The following RAD54L2 variants were observed in gnomAD, a reference collection of about 807,000 sequenced individuals.
RAD54L2 encodes RAD54 like 2.
RAD54L2 carries 27 observed loss-of-function variants against 138.4 expected under a neutral mutation model. The observed-to-expected ratio is 0.20, with a 90% CI of 0.14 to 0.27. The LOEUF (loss-of-function observed/expected upper bound fraction) is 0.27, where lower values mean the gene tolerates loss of function less well. Among genes scored for constraint, RAD54L2 ranks in the 10% least tolerant of loss-of-function variants. RAD54L2 has a pLI of 1.00. For missense variants in RAD54L2, 1,396 were observed against 1,890.2 expected, an observed-to-expected ratio of 0.74 and a Z score of 4.85; for synonymous variants, 644 against 723.2, an observed-to-expected ratio of 0.89 and a Z score of 1.76.
At chr3:51,619,350 C>A (rs976516296) in intron 3 of RAD54L2, among the ~76,000 whole-genome samples, 2 of 152,206 alleles carry the variant, frequency 1.3e-5, no homozygotes, top group Non-Finnish European at 2.9e-5. Context: ...AGCCACCACG[C>A]CTGGTCTAGG....
At chr3:51,569,446 C>T (rs1423967059) in intron 2 of RAD54L2, among the ~76,000 whole-genome samples, 1 of 151,206 alleles carries the variant, frequency 6.6e-6, no homozygotes, top group Non-Finnish European at 1.5e-5. Context: ...TGCAGTGGCG[C>T]GATCTCAGCT....
At chr3:51,623,272 C>T (rs1400185629) in intron 3 of RAD54L2, among the ~76,000 whole-genome samples, 2 of 152,120 alleles carry the variant, frequency 1.3e-5, no homozygotes, top group Admixed American at 6.5e-5. Flanking sequence ...TTTCTGCTTC[C>T]CCCTTTGCTT....
chr3:51,651,774 A>T (rs1423847903), intron 19 of RAD54L2, among the ~76,000 whole-genome samples: 1 of 152,244 alleles, frequency 6.6e-6, no homozygotes, highest in Admixed American at 6.5e-5. Context: ...CTAGGTATTG[A>T]TGGAACGTAT....
intron 3 of RAD54L2, among the ~76,000 whole-genome samples, chr3:51,609,723 T>C (rs1700286774): frequency 1.3e-5 from 2 of 151,824 alleles, no homozygotes; most frequent in South Asian, 4.2e-4. Flanking sequence ...TGTGTGTGTG[T>C]GTGTGTGTGT....
intron 2 of RAD54L2, among the ~76,000 whole-genome samples, chr3:51,542,873 G>T (rs1698588624): frequency 6.6e-6 from 1 of 152,132 alleles, no homozygotes; most frequent in East Asian, 1.9e-4. Context: ...AAGCCAGGAG[G>T]TAACTGTTTG....
At chr3:51,551,074 C>G (rs1050337950) in intron 2 of RAD54L2, among the ~76,000 whole-genome samples, 3 of 151,726 alleles carry the variant, frequency 2.0e-5, no homozygotes, top group African/African-American at 7.3e-5. Context: ...AAAGTAATTC[C>G]TTTGTACAGA....
chr3:51,566,781 C>T (rs559070474), intron 2 of RAD54L2, among the ~76,000 whole-genome samples: 3 of 152,082 alleles, frequency 2.0e-5, no homozygotes, highest in Non-Finnish European at 2.9e-5. Flanking sequence ...AGCTATTTTG[C>T]GTTTGCTTCT....
chr3:51,571,250 C>T (rs371679321), intron 2 of RAD54L2, among the ~76,000 whole-genome samples: 6 of 152,142 alleles, frequency 3.9e-5, no homozygotes, highest in African/African-American at 1.4e-4. Flanking sequence ...GCTTTTAGTT[C>T]ATCCCAGCCT....
At chr3:51,569,901 C>T (rs1161036348) in intron 2 of RAD54L2, among the ~76,000 whole-genome samples, 2 of 152,028 alleles carry the variant, frequency 1.3e-5, no homozygotes, top group Non-Finnish European at 2.9e-5. Context: ...GTGATGTGAT[C>T]ACAATTCACT....
intron 19 of RAD54L2, among the ~76,000 whole-genome samples, chr3:51,653,962 A>G (rs574841569): frequency 2.0e-5 from 3 of 152,300 alleles, no homozygotes; most frequent in Non-Finnish European, 2.9e-5. Flanking sequence ...AACTTGACAA[A>G]TGAGGTTCCA....
chr3:51,592,604 T>C (rs991326560), intron 3 of RAD54L2, among the ~76,000 whole-genome samples: 5 of 151,860 alleles, frequency 3.3e-5, no homozygotes, highest in Admixed American at 1.3e-4. Flanking sequence ...TTTTTTTTTT[T>C]CTTTTGTTGG....
chr3:51,645,628 C>T lies in RAD54L2; in HGVS notation c.2694C>T (p.Phe898=), dbSNP rs762171435. ...ATGATCTAAATCCAATGCTGAACTT[C>T]ACACGGAAAGAGGTGGAAAACCTAC... ...VVDDLNPMLN[F]TRKEVENLLH... is the part of the protein sequence containing the mutation. Residue 898 remains phenylalanine, a synonymous_variant, in exon 18 of 23, where the codon TTC becomes TTT. Coordinates refer to ENST00000684192, the MANE Select transcript of RAD54L2 (RefSeq NM_015106.4). The surrounding 1 kb of genome is among the most constrained non-coding windows in gnomAD (Gnocchi z 6.1). The T allele has an allele frequency of 2.5e-6, 4 of 1,612,538 alleles. No homozygotes were observed. The highest frequency in any genetic ancestry group is 8.5e-7 in the Non-Finnish European group (1 of 1,179,352).
chr3:51,633,578 T>C lies in RAD54L2; in HGVS notation c.827T>C (p.Ile276Thr), dbSNP rs749126778. 6.2e-7 allele frequency: 1 copy of C among 1,612,388 alleles called. No homozygotes were observed. The highest frequency in any genetic ancestry group is 1.1e-5 in the South Asian group (1 of 91,000). Residue 276 changes from isoleucine to threonine, a missense_variant and splice_region_variant, in exon 8 of 23, where the codon ATT becomes ACT. Transcript: ENST00000684192. ...QLARAVKPHQ[I>T]GGIRFLYDNL... ...ACATTTGTCTTTGTCCCTTGTCAGATTGGCGGGATCCGGTTCCTTTACGAT... is the reference window on the plus strand; with the variant it reads ...ACATTTGTCTTTGTCCCTTGTCAGACTGGCGGGATCCGGTTCCTTTACGAT...
chr3:51,542,288 T>C (rs1283406998), intron 2 of RAD54L2, among the ~76,000 whole-genome samples: 1 of 152,138 alleles, frequency 6.6e-6, no homozygotes, highest in Admixed American at 6.6e-5. Flanking sequence ...TAGTAGTTAA[T>C]GTGTATTATT....
Position 51,639,895 on chromosome 3 carries a change from G to A in RAD54L2, c.2127G>A (p.Leu709=). ...IVTYEWAKDL[L]TNYQTGVLEN... ...CTCTCTTGCAGGCCAAGGACCTTCT[G>A]ACTAATTACCAGACTGGAGTCCTAG... The change falls in exon 14 of 23, where the codon CTG becomes CTA. Residue 709 remains leucine (L), a synonymous_variant. Transcript: ENST00000684192. 2 of 1,606,700 alleles carry A rather than the reference G, an allele frequency of 1.2e-6. No homozygotes were observed. Among genetic ancestry groups the A allele is most frequent in the Non-Finnish European group, 1.7e-6 (2 of 1,174,754 alleles).
intron 2 of RAD54L2, among the ~76,000 whole-genome samples, chr3:51,573,810 C>T (rs1048333549): frequency 6.6e-6 from 1 of 151,994 alleles, no homozygotes; most frequent in African/African-American, 2.4e-5. Flanking sequence ...TTTTTATTTT[C>T]TTCCTTGTAA....
At chr3:51,644,271 C>G (rs1701214049) in intron 16 of RAD54L2, among the ~76,000 whole-genome samples, 1 of 152,076 alleles carries the variant, frequency 6.6e-6, no homozygotes, top group Non-Finnish European at 1.5e-5. Context: ...ATACTGAGAC[C>G]TTGTCTGTAC....
chr3:51,600,237 T>C (rs1455032992), intron 3 of RAD54L2, among the ~76,000 whole-genome samples: 1 of 152,108 alleles, frequency 6.6e-6, no homozygotes. Context: ...CCACCGCACC[T>C]GGCCCCAAGT....
Position 51,627,621 on chromosome 3 carries a change from C to T in RAD54L2, c.208C>T (p.Arg70Trp), listed in dbSNP as rs191989141. 1,459 of 1,575,766 alleles carry T rather than the reference C, an allele frequency of 9.3e-4. 10 individuals carry two copies. In the South Asian group the frequency reaches 0.011, roughly 12 times the overall value. Residue 70 changes from arginine (R) to tryptophan (W), a missense_variant, in exon 4 of 23, where the codon CGG (arginine) becomes TGG (tryptophan). Coordinates refer to ENST00000684192, the MANE Select transcript of RAD54L2 (RefSeq NM_015106.4). ...GGGAGAAGATGGGCAGCAGCCGCCG[C>T]GGTGCACTTCAACTACCTCATCTCA... is the stretch of plus-strand genomic sequence containing the variant. ...QLGEDGQQPP[R>W]CTSTTSSQSE...
Sources: allele counts gnomAD v4.1 joint callset (sites outside exome capture counted in the v4.1 genomes callset), GRCh38; gene constraint gnomAD v4.1.1; non-coding constraint Gnocchi (gnomAD v3.1); transcripts MANE v1.5; gene names NCBI Gene and HGNC (gene_info 2026-07-23, HGNC 2026-07-21).